Variants in TMEFF2 observed in about 807,000 individuals in gnomAD.
TMEFF2 encodes the protein transmembrane protein with EGF like and two follistatin like domains 2, also known as tomoregulin-2.
A neutral mutation model predicts 53.8 loss-of-function variants in TMEFF2; 28 were observed. The observed-to-expected ratio is 0.52, with a 90% CI of 0.39 to 0.71. TMEFF2 has a LOEUF of 0.71. TMEFF2 is among the 30% of genes least tolerant of loss of function. The pLI, the probability that TMEFF2 is intolerant of heterozygous loss-of-function variation, is 0.00. For missense variants in TMEFF2, 353 were observed against 455.2 expected, an observed-to-expected ratio of 0.78 and a Z score of 2.04; for synonymous variants, 162 against 166.3, an observed-to-expected ratio of 0.97 and a Z score of 0.20.
intron 4 of TMEFF2, among the ~76,000 whole-genome samples, chr2:192,106,869 TGAACGGAGA>T (rs1689161538): frequency 6.6e-6 from 1 of 151,716 alleles, no homozygotes; most frequent in Non-Finnish European, 1.5e-5. Context: ...TCCCATTCAG[TGAACGGAGA>T]GAAGTTTACT....
At chr2:192,020,658 CA>C (rs1559087257) in intron 5 of TMEFF2, among the ~76,000 whole-genome samples, 1 of 151,960 alleles carries the variant, frequency 6.6e-6, no homozygotes, top group Non-Finnish European at 1.5e-5. Flanking sequence ...AAGTTATTTT[CA>C]AAAAGTGTTA....
chr2:191,985,423 CA>C (rs2105819659), intron 7 of TMEFF2, among the ~76,000 whole-genome samples: 1 of 152,222 alleles, frequency 6.6e-6, no homozygotes, highest in East Asian at 1.9e-4. Context: ...CAGTCTGTAT[CA>C]GAGGGATTTA....
chr2:192,083,667 C>A (rs1322703452), intron 4 of TMEFF2, among the ~76,000 whole-genome samples: 1 of 151,078 alleles, frequency 6.6e-6, no homozygotes, highest in African/African-American at 2.4e-5. Context: ...AGCTCATCAG[C>A]TTTCAAAACG....
chr2:192,080,465 T>C (rs1574354665), intron 4 of TMEFF2, among the ~76,000 whole-genome samples: 1 of 152,116 alleles, frequency 6.6e-6, no homozygotes, highest in Non-Finnish European at 1.5e-5. Flanking sequence ...TCCTGAGGCC[T>C]CCCCAGCCAT....
Position 191,949,115 on chromosome 2 carries a change from T to C in TMEFF2, c.*1196A>G. 1 of 985,258 alleles carries C rather than the reference T, an allele frequency of 1.0e-6. No homozygotes were observed. The highest frequency in any genetic ancestry group is 1.2e-6 in the Non-Finnish European group (1 of 829,784). 61.0% of individuals were successfully genotyped at this position (985,258 alleles called of 1,614,324 possible). On this transcript the variant is annotated 3_prime_UTR_variant, in exon 10 of 10. Coordinates refer to ENST00000272771, the MANE Select transcript of TMEFF2 (RefSeq NM_016192.4). ...CCATGGAAAGCTTTGCAGAGCTAAATGATAATAATTGATTTATTTTCATCT... is the reference window on the plus strand; with the variant it reads ...CCATGGAAAGCTTTGCAGAGCTAAACGATAATAATTGATTTATTTTCATCT...
intron 7 of TMEFF2, among the ~76,000 whole-genome samples, chr2:191,982,382 C>T (rs1035149613): frequency 6.6e-6 from 1 of 151,596 alleles, no homozygotes; most frequent in African/African-American, 2.4e-5. Context: ...TGTATAGCAA[C>T]AACTAGAACC....
intron 5 of TMEFF2, among the ~76,000 whole-genome samples, chr2:192,043,480 G>A (rs1687535562): frequency 1.3e-5 from 2 of 152,226 alleles, no homozygotes; most frequent in East Asian, 1.9e-4. Context: ...GACCTTTCAC[G>A]GACTAATGGA....
At chr2:192,096,487 A>C (rs934388642) in intron 4 of TMEFF2, among the ~76,000 whole-genome samples, 7 of 152,054 alleles carry the variant, frequency 4.6e-5, no homozygotes, top group Non-Finnish European at 8.8e-5. Context: ...GCCTACAAAC[A>C]ATTTTGTTTT....
chr2:191,968,321 C>T (rs1015195171), intron 7 of TMEFF2, among the ~76,000 whole-genome samples: 12 of 152,154 alleles, frequency 7.9e-5, no homozygotes, highest in Admixed American at 2.6e-4. Flanking sequence ...AAGGTAACAG[C>T]GGCAGGAAAG....
At chr2:192,060,543 C>T (rs1688019106) in intron 4 of TMEFF2, among the ~76,000 whole-genome samples, 1 of 152,106 alleles carries the variant, frequency 6.6e-6, no homozygotes, top group South Asian at 2.1e-4. Flanking sequence ...TATTTTATAA[C>T]ACAGCTTTAG....
At chr2:191,963,106 C>G (rs1358202928) in intron 7 of TMEFF2, among the ~76,000 whole-genome samples, 1 of 152,128 alleles carries the variant, frequency 6.6e-6, no homozygotes, top group Non-Finnish European at 1.5e-5. Flanking sequence ...GAGTCCAGAG[C>G]TGGAGTTGCC....
chr2:192,160,654 T>C lies in TMEFF2; in HGVS notation c.439+19014A>G, dbSNP rs538154600. ...CTCTGTGGAGCCTGAGCTTTTGCAATTTAGGGGACCTTCTTTAGAAAAAAA... is the reference window on the plus strand; with the variant it reads ...CTCTGTGGAGCCTGAGCTTTTGCAACTTAGGGGACCTTCTTTAGAAAAAAA... On this transcript the variant is annotated intron_variant, in intron 4 of 9. Coordinates refer to ENST00000272771, the MANE Select transcript of TMEFF2 (RefSeq NM_016192.4). Among the ~76,000 whole-genome samples the C allele has an allele frequency of 2.2e-4, 34 of 152,076 alleles. No individual in the cohort carries two copies. The South Asian group carries it at 4.8e-3, about 21-fold the overall frequency.
chr2:192,068,973 GTTTT>G, intron 4 of TMEFF2, among the ~76,000 whole-genome samples: 1 of 143,444 alleles, frequency 7.0e-6, no homozygotes, highest in Admixed American at 7.0e-5. Flanking sequence ...CCCAGTTCCT[GTTTT>G]TTTTTTTTCT....
At chr2:192,157,070 C>A (rs75876511) in intron 4 of TMEFF2, among the ~76,000 whole-genome samples, 2,451 of 151,992 alleles carry the variant, frequency 0.016, 62 homozygotes, top group African/African-American at 0.048. Context: ...CTGGCAACCT[C>A]CAGAATATTT....
chr2:191,989,585 T>C (rs1686055263), intron 7 of TMEFF2, among the ~76,000 whole-genome samples: 1 of 152,098 alleles, frequency 6.6e-6, no homozygotes, highest in Admixed American at 6.6e-5. Flanking sequence ...AGGATGTAAA[T>C]TGTCTGTGAA....
At chr2:192,157,624 G>A (rs1002478832) in intron 4 of TMEFF2, among the ~76,000 whole-genome samples, 5 of 151,800 alleles carry the variant, frequency 3.3e-5, no homozygotes, top group African/African-American at 1.2e-4. Flanking sequence ...ACATCACTTT[G>A]ACACCACGTA....
intron 7 of TMEFF2, among the ~76,000 whole-genome samples, chr2:191,985,744 T>A (rs1685961258): frequency 6.6e-6 from 1 of 152,238 alleles, no homozygotes; most frequent in East Asian, 1.9e-4. Context: ...CTTGCTCGTT[T>A]ATCATTTCCT....
chr2:192,117,749 GTCTT>G (rs1689449549), intron 4 of TMEFF2, among the ~76,000 whole-genome samples: 1 of 151,966 alleles, frequency 6.6e-6, no homozygotes, highest in Non-Finnish European at 1.5e-5. Context: ...CCCAGGCCAA[GTCTT>G]CATTTGCATA....
At chr2:192,089,944 T>C (rs1306782881) in intron 4 of TMEFF2, among the ~76,000 whole-genome samples, 1 of 152,190 alleles carries the variant, frequency 6.6e-6, no homozygotes, top group Non-Finnish European at 1.5e-5. Context: ...TTGACTTCCC[T>C]ATGTAAGATG....
Sources: gnomAD v4.1 joint callset for allele counts (sites outside exome capture counted in the v4.1 genomes callset) on GRCh38, gnomAD v4.1.1 for gene constraint, MANE v1.5 for transcripts, NCBI Gene and HGNC (gene_info 2026-07-23, HGNC 2026-07-21) for gene names.